PBX1: variants seen among roughly 807,000 people sequenced by gnomAD.
PBX1 encodes the protein PBX homeobox 1, also known as pre-B-cell leukemia transcription factor 1.
PBX1 carries 6 observed loss-of-function variants against 53.4 expected under a neutral mutation model. The observed-to-expected ratio is 0.11, with a 90% CI of 0.06 to 0.22. The LOEUF is 0.22. PBX1 is among the 10% of genes least tolerant of loss of function. PBX1 has a pLI of 1.00. For missense variants in PBX1, 251 were observed against 551.4 expected, an observed-to-expected ratio of 0.46 and a Z score of 5.46; for synonymous variants, 204 against 212.3, an observed-to-expected ratio of 0.96 and a Z score of 0.34.
intron 2 of PBX1, among the ~76,000 whole-genome samples, chr1:164,758,020 T>C (rs190969258): frequency 3.3e-5 from 5 of 152,186 alleles, no homozygotes; most frequent in African/African-American, 1.2e-4. Flanking sequence ...AACTGTGTGT[T>C]GGATCTGATT....
intron 6 of PBX1, 70 bp from the exon 7 acceptor site, chr1:164,820,002 T>C (rs949958920): frequency 4.7e-5 from 40 of 859,610 alleles, no homozygotes; most frequent in Admixed American, 1.0e-4. Flanking sequence ...ATTCTTCCTC[T>C]TGGCTGTTAG....
chr1:164,637,726 A>T (rs1658865178), intron 2 of PBX1, among the ~76,000 whole-genome samples: 3 of 152,230 alleles, frequency 2.0e-5, no homozygotes, highest in African/African-American at 4.8e-5. Context: ...AGAAAGAAAC[A>T]TCACCATTCA....
intron 4 of PBX1, among the ~76,000 whole-genome samples, chr1:164,803,152 C>G (rs1227257926): frequency 6.6e-6 from 1 of 152,172 alleles, no homozygotes; most frequent in African/African-American, 2.4e-5. Flanking sequence ...TGAGCTCTTA[C>G]TATCTGCCCG....
intron 2 of PBX1, among the ~76,000 whole-genome samples, chr1:164,578,832 C>A (rs1654425442): frequency 6.6e-6 from 1 of 152,172 alleles, no homozygotes; most frequent in Non-Finnish European, 1.5e-5. Flanking sequence ...TGAGTCCTTG[C>A]ATACTGGGCC....
At chr1:164,648,414 C>T (rs932789606) in intron 2 of PBX1, among the ~76,000 whole-genome samples, 1 of 152,198 alleles carries the variant, frequency 6.6e-6, no homozygotes, top group Non-Finnish European at 1.5e-5. Context: ...CTTTGGCCAC[C>T]TCCTCACTAG....
In PBX1 at chr1:164,677,082, CA is replaced by C. The variant is rs1183282780; in HGVS notation, c.265+113772del. Among the ~76,000 whole-genome samples the C allele has an allele frequency of 7.3e-4, 86 of 118,212 alleles. No individual in the cohort carries two copies. The East Asian group carries it at 0.013, about 18-fold the overall frequency. The allele number at this position is 118,212 out of a possible 152,430, so 77.6% of individuals were successfully genotyped here. ...CATCTTCTTTGCATATACTGCTTGA[CA>C]TTTTTTTTTTTTTTTTTTTTAAGAC... On this transcript the variant is annotated intron_variant, in intron 2 of 8. Coordinates refer to ENST00000420696, the MANE Select transcript of PBX1 (RefSeq NM_002585.4).
At chr1:164,833,209 C>CA (rs750416275) in intron 8 of PBX1, among the ~76,000 whole-genome samples, 33 of 149,232 alleles carry the variant, frequency 2.2e-4, no homozygotes, top group Admixed American at 8.0e-4. Flanking sequence ...AAAACAAAAA[C>CA]AAAAAAAAAC....
intron 2 of PBX1, among the ~76,000 whole-genome samples, chr1:164,762,214 T>C (rs766106640): frequency 5.3e-5 from 8 of 152,176 alleles, no homozygotes; most frequent in Non-Finnish European, 1.2e-4. Flanking sequence ...AGATGAAGAA[T>C]AAAGTGTCCT....
intron 2 of PBX1, among the ~76,000 whole-genome samples, chr1:164,653,199 A>G (rs1659940393): frequency 6.6e-6 from 1 of 152,104 alleles, no homozygotes; most frequent in Admixed American, 6.5e-5. Flanking sequence ...ATTACACAAC[A>G]TGTGTACTTT....
intron 2 of PBX1, among the ~76,000 whole-genome samples, chr1:164,578,803 C>T (rs1371293927): frequency 6.6e-6 from 1 of 152,172 alleles, no homozygotes; most frequent in Non-Finnish European, 1.5e-5. Flanking sequence ...ACCTGGATGC[C>T]TCAGAAATGT....
intron 2 of PBX1, among the ~76,000 whole-genome samples, chr1:164,883,976 A>G (rs1271275642): frequency 6.6e-6 from 1 of 152,154 alleles, no homozygotes; most frequent in Non-Finnish European, 1.5e-5. Flanking sequence ...GCTTCTTTTT[A>G]GGTGGAGGTA....
intron 8 of PBX1, among the ~76,000 whole-genome samples, chr1:164,831,706 A>C (rs1670773853): frequency 6.6e-6 from 1 of 152,060 alleles, no homozygotes; most frequent in African/African-American, 2.4e-5. Context: ...TAAATTTCCT[A>C]CCCTTTGTTT....
intron 2 of PBX1, among the ~76,000 whole-genome samples, chr1:164,860,369 T>TA: frequency 6.6e-6 from 1 of 152,320 alleles, no homozygotes; most frequent in South Asian, 2.1e-4. Flanking sequence ...GGAAAAGAAA[T>TA]ACTGTTAAAA....
At chr1:164,702,182 C>T (rs987378855) in intron 2 of PBX1, among the ~76,000 whole-genome samples, 35 of 144,652 alleles carry the variant, frequency 2.4e-4, no homozygotes, top group Admixed American at 6.1e-4. Flanking sequence ...ACAATTACCA[C>T]GATGAGGTTT....
At chr1:164,772,696 G>A (rs994652835) in intron 2 of PBX1, among the ~76,000 whole-genome samples, 1 of 152,186 alleles carries the variant, frequency 6.6e-6, no homozygotes, top group Non-Finnish European at 1.5e-5. Flanking sequence ...GCTGCCCCGC[G>A]TGCTTTTTCA....
At chr1:164,875,884 G>A (rs1672492269) in intron 2 of PBX1, among the ~76,000 whole-genome samples, 1 of 151,526 alleles carries the variant, frequency 6.6e-6, no homozygotes, top group East Asian at 1.9e-4. Context: ...TATAATAAAA[G>A]TAATGCTTAT....
intron 2 of PBX1, among the ~76,000 whole-genome samples, chr1:164,669,115 C>CAA: frequency 6.6e-6 from 1 of 152,068 alleles, no homozygotes; most frequent in East Asian, 1.9e-4. Flanking sequence ...CTTCCCTCCT[C>CAA]TTTGTGATTT....
chr1:164,698,355 C>T (rs1276697216), intron 2 of PBX1, among the ~76,000 whole-genome samples: 3 of 152,152 alleles, frequency 2.0e-5, no homozygotes, highest in African/African-American at 7.2e-5. Flanking sequence ...TCATACATAT[C>T]AAAGCAATTT....
At position 164,792,562 on chromosome 1, in the gene PBX1, C is replaced by T; in HGVS notation, c.334C>T (p.Leu112=). ...DPQLMRLDNM[L]LAEGVAGPEK... ...CCAGCTGATGCGGCTGGACAACATG[C>T]TGTTAGCGGAAGGCGTGGCGGGGCC... The change falls in exon 3 of 9, where the codon CTG becomes TTG. Residue 112 remains leucine (L), a synonymous_variant. Transcript: ENST00000420696. The T allele has an allele frequency of 6.2e-7, 1 of 1,614,150 alleles. No homozygotes were observed. The highest frequency in any genetic ancestry group is 8.5e-7 in the Non-Finnish European group (1 of 1,180,024).
Sources: allele counts gnomAD v4.1 joint callset (sites outside exome capture counted in the v4.1 genomes callset), GRCh38; gene constraint gnomAD v4.1.1; transcripts MANE v1.5; gene names NCBI Gene and HGNC (gene_info 2026-07-23, HGNC 2026-07-21).